Variants in CHODL observed in about 807,000 individuals in gnomAD.
CHODL encodes transmembrane protein MT75.
A neutral mutation model predicts 34.5 loss-of-function variants in CHODL; 29 were observed. The observed-to-expected ratio is 0.84, with a 90% CI of 0.63 to 1.15. CHODL has a LOEUF of 1.15. Among genes scored for constraint, CHODL ranks in the 50% most tolerant of loss-of-function variants. The pLI is 0.00. For synonymous variants in CHODL, 125 were observed against 116.1 expected (o/e 1.08, Z -0.49); for missense variants, 332 against 332.5 (o/e 1.00, Z 0.01).
intron 1 of CHODL, among the ~76,000 whole-genome samples, chr21:18,004,101 A>G (rs2063937232): frequency 6.6e-6 from 1 of 152,224 alleles, no homozygotes; most frequent in South Asian, 2.1e-4. Flanking sequence ...AGAAACAATA[A>G]TTAATAAAGT....
intron 1 of CHODL, among the ~76,000 whole-genome samples, chr21:17,929,617 A>G (rs1346105774): frequency 1.3e-5 from 2 of 152,138 alleles, no homozygotes; most frequent in East Asian, 3.9e-4. Context: ...TGAGTGAGCA[A>G]CCCCTGGGGC....
At chr21:17,927,417 A>G (rs1393163477) in intron 1 of CHODL, among the ~76,000 whole-genome samples, 2 of 152,066 alleles carry the variant, frequency 1.3e-5, no homozygotes, top group Non-Finnish European at 2.9e-5. Flanking sequence ...TGCTGTTCTT[A>G]TATTTAGAAG....
intron 2 of CHODL, among the ~76,000 whole-genome samples, chr21:18,230,272 T>C (rs1273918986): frequency 1.3e-5 from 2 of 152,134 alleles, no homozygotes; most frequent in Non-Finnish European, 2.9e-5. Context: ...AACCACATGA[T>C]ATAAATCATT....
chr21:18,245,641 G>C (rs1320640813), intron 1 of CHODL, among the ~76,000 whole-genome samples: 5 of 152,112 alleles, frequency 3.3e-5, no homozygotes, highest in Non-Finnish European at 7.4e-5. Context: ...CCAAAGGGGT[G>C]GGGTAGGGCG....
intron 1 of CHODL, among the ~76,000 whole-genome samples, chr21:17,970,099 A>G (rs962281799): frequency 6.6e-6 from 1 of 152,078 alleles, no homozygotes; most frequent in Admixed American, 6.6e-5. Flanking sequence ...ATTGCCCTGG[A>G]CCGATATTAG....
At chr21:17,918,514 A>G (rs180672074) in intron 1 of CHODL, among the ~76,000 whole-genome samples, 87 of 151,954 alleles carry the variant, frequency 5.7e-4, no homozygotes, top group Admixed American at 2.1e-3. Context: ...ATTTTTAAAA[A>G]CATCAAATGT....
intron 2 of CHODL, among the ~76,000 whole-genome samples, chr21:18,032,494 TG>T (rs1242263100): frequency 2.0e-5 from 3 of 151,994 alleles, no homozygotes; most frequent in Non-Finnish European, 4.4e-5. Flanking sequence ...ATACAATATT[TG>T]AAAGATTCGG....
chr21:17,927,136 ATATATG>A (rs1318660516), intron 1 of CHODL, among the ~76,000 whole-genome samples: 2,604 of 119,872 alleles, frequency 0.022, 95 homozygotes, highest in South Asian at 0.071. Flanking sequence ...ATATATATGT[ATATATG>A]TATATATGTA....
At chr21:18,260,854 AC>A (rs1240979295) in intron 4 of CHODL, among the ~76,000 whole-genome samples, 3 of 149,320 alleles carry the variant, frequency 2.0e-5, no homozygotes, top group Non-Finnish European at 4.4e-5. Flanking sequence ...CAACAAAAAA[AC>A]ACCACCAACA....
chr21:18,081,701 AG>A (rs879806757), intron 2 of CHODL, among the ~76,000 whole-genome samples: 52,237 of 149,270 alleles, frequency 0.35, 11,023 homozygotes, highest in Non-Finnish European at 0.49. Flanking sequence ...AAAAAAAAAA[AG>A]AGGGTGAAAG....
At chr21:18,043,975 T>C (rs1161573784) in intron 2 of CHODL, among the ~76,000 whole-genome samples, 1 of 151,830 alleles carries the variant, frequency 6.6e-6, no homozygotes, top group Non-Finnish European at 1.5e-5. Context: ...ACCATCTCCA[T>C]GATTCAGTTA....
chr21:18,109,508 C>T (rs1009639941), intron 2 of CHODL, among the ~76,000 whole-genome samples: 1 of 152,090 alleles, frequency 6.6e-6, no homozygotes, highest in African/African-American at 2.4e-5. Flanking sequence ...CAGGAGTGGC[C>T]TCAGGTGTCC....
At chr21:18,164,944 A>T (rs1389547995) in intron 2 of CHODL, among the ~76,000 whole-genome samples, 1 of 152,144 alleles carries the variant, frequency 6.6e-6, no homozygotes, top group Non-Finnish European at 1.5e-5. Flanking sequence ...CACCTCTGAT[A>T]TATATCTTGA....
chr21:18,067,467 G>A (rs2064745746), intron 2 of CHODL, among the ~76,000 whole-genome samples: 1 of 152,180 alleles, frequency 6.6e-6, no homozygotes, highest in African/African-American at 2.4e-5. Flanking sequence ...CCAGCCCAGG[G>A]ATGTCAGAGA....
At chr21:18,102,438 G>A (rs553710392) in intron 2 of CHODL, among the ~76,000 whole-genome samples, 2 of 152,166 alleles carry the variant, frequency 1.3e-5, no homozygotes, top group African/African-American at 4.8e-5. Context: ...ACATCATGAG[G>A]CAGGACTTAA....
chr21:18,030,694 A>G (rs1398572990), intron 2 of CHODL, among the ~76,000 whole-genome samples: 1 of 152,170 alleles, frequency 6.6e-6, no homozygotes, highest in African/African-American at 2.4e-5. Context: ...GACTGAAGAC[A>G]GTGGAAATCT....
intron 2 of CHODL, among the ~76,000 whole-genome samples, chr21:18,096,114 G>A (rs954885756): frequency 6.6e-6 from 1 of 152,096 alleles, no homozygotes; most frequent in African/African-American, 2.4e-5. Flanking sequence ...TGCAATCTCT[G>A]AACATAAATT....
At chr21:18,189,791 T>C (rs891144249) in intron 2 of CHODL, among the ~76,000 whole-genome samples, 2 of 151,956 alleles carry the variant, frequency 1.3e-5, no homozygotes, top group African/African-American at 2.4e-5. Flanking sequence ...CATGCCACCA[T>C]GCCCGGCTAA....
At chr21:18,206,866 T>C (rs966670212) in intron 2 of CHODL, among the ~76,000 whole-genome samples, 4 of 8,556 alleles carry the variant, frequency 4.7e-4, no homozygotes, top group Non-Finnish European at 1.1e-3. Context: ...TATAACCCAT[T>C]ATTATTATTA....
Sources: allele counts gnomAD v4.1 joint callset (sites outside exome capture counted in the v4.1 genomes callset), GRCh38; gene constraint gnomAD v4.1.1; transcripts MANE v1.5; gene names NCBI Gene and HGNC (gene_info 2026-07-23, HGNC 2026-07-21).